Variants in CLVS1 observed in about 807,000 individuals in gnomAD.
The protein encoded by CLVS1 is clavesin-1.
A neutral mutation model predicts 33.1 loss-of-function variants in CLVS1; 10 were observed. That is an observed-to-expected ratio of 0.30 (90% CI 0.19 to 0.51). The LOEUF is 0.51. Ranked by LOEUF, CLVS1 falls within the 20% of genes least tolerant of loss-of-function variation. CLVS1 has a pLI of 0.97. For synonymous variants in CLVS1, 163 were observed against 166.1 expected, an observed-to-expected ratio of 0.98 and a Z score of 0.14; for missense variants, 343 against 433.4, an observed-to-expected ratio of 0.79 and a Z score of 1.85.
chr8:61,012,522 G>C, the CLVS1 span, among the ~76,000 whole-genome samples: 1 of 152,222 alleles, frequency 6.6e-6, no homozygotes, highest in African/African-American at 2.4e-5. Flanking sequence ...TGGATCTTCT[G>C]ACAGCAGAGT....
intron 3 of CLVS1, among the ~76,000 whole-genome samples, chr8:61,422,538 T>A (rs993880793): frequency 6.6e-6 from 1 of 152,212 alleles, no homozygotes; most frequent in Non-Finnish European, 1.5e-5. Flanking sequence ...TTAGTCTCCA[T>A]CATTTTGTCC....
chr8:61,476,711 G>T (rs1817948475), intron 5 of CLVS1, among the ~76,000 whole-genome samples: 2 of 152,186 alleles, frequency 1.3e-5, no homozygotes, highest in South Asian at 4.1e-4. Flanking sequence ...AGACGATGGG[G>T]TTTTCTAGAT....
Position 61,454,218 on chromosome 8 carries a change from C to G in CLVS1, c.708C>G (p.Ile236Met). 6.2e-7 allele frequency: 1 copy of G among 1,614,014 alleles called. No individual in the cohort carries two copies. The highest frequency in any genetic ancestry group is 1.1e-5 in the South Asian group (1 of 91,074). The change falls in exon 4 of 6, where the codon ATC becomes ATG. Residue 236 changes from isoleucine (I) to methionine (M), a missense_variant. By Grantham distance (10) the Ile-to-Met change is conservative. Coordinates refer to ENST00000325897, the MANE Select transcript of CLVS1 (RefSeq NM_173519.3). Reference sequence around the variant, plus strand: ...ACATTCATGCCCTCTACACACTCATCAAGCCATTTCTTAAAGACAAGACCA... The same window carrying G: ...ACATTCATGCCCTCTACACACTCATGAAGCCATTTCTTAAAGACAAGACCA... Reference protein sequence around the residue: ...PWYIHALYTLIKPFLKDKTRK... With the variant: ...PWYIHALYTLMKPFLKDKTRK...
chr8:61,485,812 A>G (rs1429162395), intron 5 of CLVS1, among the ~76,000 whole-genome samples: 1 of 152,184 alleles, frequency 6.6e-6, no homozygotes, highest in African/African-American at 2.4e-5. Context: ...GGATGAAGCT[A>G]GAAACCATCA....
intron 5 of CLVS1, 154 bp downstream of exon 5, chr8:61,458,696 GA>G: frequency 1.7e-6 from 1 of 594,102 alleles, no homozygotes; most frequent in Non-Finnish European, 2.9e-6. Context: ...CACTAAAACT[GA>G]AAACAAATGG....
At chr8:61,287,967 C>T (rs949393113), upstream of CLVS1, 2 of 387,426 alleles carry the variant, frequency 5.2e-6, no homozygotes, top group South Asian at 3.8e-5. Flanking sequence ...ATCGGGCGCA[C>T]ACGCCTCCTA....
At chr8:61,262,948 G>A (rs1809236340) in intron 2 of CLVS1, among the ~76,000 whole-genome samples, 1 of 152,164 alleles carries the variant, frequency 6.6e-6, no homozygotes, top group Non-Finnish European at 1.5e-5. Context: ...AGCTGCCCGT[G>A]ATTTAAGATG....
the CLVS1 span, among the ~76,000 whole-genome samples, chr8:60,997,687 G>A: frequency 2.0e-5 from 3 of 152,266 alleles, no homozygotes; most frequent in East Asian, 5.8e-4. Context: ...GGTGATGAAC[G>A]AAGCCAGCCA....
chr8:61,166,132 A>AT lies in CLVS1; in HGVS notation c.-152+34285dup, dbSNP rs201835615. ...TTGCTTAAAAGCCCTTATTTATTTT[A>AT]TTTTTTTTTTTTTGAGACAGAGTCT... On this transcript the variant is annotated intron_variant, in intron 2 of 2. Transcript: ENST00000522621. 7.2e-3 allele frequency among the ~76,000 whole-genome samples: 930 copies of AT among 128,856 alleles called. 10 individuals are homozygous for AT. The highest frequency in any genetic ancestry group is 0.02 in the African/African-American group (737 of 37,334). 84.5% of individuals were successfully genotyped at this position (128,856 alleles called of 152,430 possible).
rs1214777916 is a variant in CLVS1 at position 61,474,802 on chromosome 8, T to TA, written c.977+16260_977+16261insA. Among the ~76,000 whole-genome samples, 40 of 152,068 alleles carry TA rather than the reference T, an allele frequency of 2.6e-4. 1 individual carries two copies. The highest frequency in any genetic ancestry group is 9.2e-4 in the African/African-American group (38 of 41,388). On this transcript the variant is annotated intron_variant, in intron 5 of 5. Coordinates refer to ENST00000325897, the MANE Select transcript of CLVS1 (RefSeq NM_173519.3). ...CCAGTGAAGCAGGGCAAGTCTTTTT[T>TA]TTTATATATATACTTTAAGTTTTAT...
At chr8:61,496,018 A>G (rs990664893) in intron 5 of CLVS1, among the ~76,000 whole-genome samples, 4 of 152,178 alleles carry the variant, frequency 2.6e-5, no homozygotes, top group Non-Finnish European at 5.9e-5. Flanking sequence ...AGAAGTTTAG[A>G]AAGGGCAGAG....
intron 1 of CLVS1, among the ~76,000 whole-genome samples, chr8:61,116,109 A>G (rs1805719233): frequency 6.6e-6 from 1 of 151,576 alleles, no homozygotes; most frequent in Admixed American, 6.6e-5. Flanking sequence ...TTTGATTTGC[A>G]TTTCTCTGAT....
chr8:61,394,578 C>T (rs1284071702), intron 3 of CLVS1, among the ~76,000 whole-genome samples: 1 of 152,106 alleles, frequency 6.6e-6, no homozygotes, highest in Non-Finnish European at 1.5e-5. Context: ...ATGGCTGCCT[C>T]TACTGTGTCA....
the CLVS1 span, among the ~76,000 whole-genome samples, chr8:60,968,906 A>T: frequency 6.8e-4 from 103 of 152,002 alleles, no homozygotes; most frequent in Admixed American, 1.1e-3. Flanking sequence ...ATAAATAAAT[A>T]AAATAAAAAA....
At chr8:60,995,775 A>G in the CLVS1 span, among the ~76,000 whole-genome samples, 1 of 152,386 alleles carries the variant, frequency 6.6e-6, no homozygotes, top group East Asian at 1.9e-4. Context: ...ATGTCCAACA[A>G]TGATAGACTG....
chr8:61,088,175 C>A (rs1247190780), intron 1 of CLVS1, among the ~76,000 whole-genome samples: 5 of 152,152 alleles, frequency 3.3e-5, no homozygotes, highest in South Asian at 2.1e-4. Flanking sequence ...CTGTATAGTG[C>A]CCCACTGTGT....
chr8:61,010,738 T>G, the CLVS1 span, among the ~76,000 whole-genome samples: 1 of 152,230 alleles, frequency 6.6e-6, no homozygotes, highest in Non-Finnish European at 1.5e-5. Context: ...CAGAATGGAC[T>G]TTCTACCAGC....
intron 2 of CLVS1, among the ~76,000 whole-genome samples, chr8:61,340,071 GA>G (rs1185269178): frequency 6.8e-6 from 1 of 147,330 alleles, no homozygotes; most frequent in Admixed American, 6.7e-5. Flanking sequence ...AAGAAAGAAA[GA>G]AAAAGAAAGG....
At chr8:61,010,138 C>T in the CLVS1 span, among the ~76,000 whole-genome samples, 2 of 152,164 alleles carry the variant, frequency 1.3e-5, no homozygotes, top group African/African-American at 2.4e-5. Context: ...CCAAATGTTG[C>T]CTACTCTTGC....
Sources: allele counts gnomAD v4.1 joint callset (sites outside exome capture counted in the v4.1 genomes callset), GRCh38; gene constraint gnomAD v4.1.1; transcripts MANE v1.5; gene names NCBI Gene and HGNC (gene_info 2026-07-23, HGNC 2026-07-21).